Variants in PTCD2 observed in about 807,000 individuals in gnomAD.
PTCD2 encodes pentatricopeptide repeat-containing protein 2, mitochondrial.
PTCD2 carries 31 observed loss-of-function variants against 42.6 expected under a neutral mutation model. That is an observed-to-expected ratio of 0.73 (90% CI 0.55 to 0.98). PTCD2 has a LOEUF of 0.98. Among genes scored for constraint, PTCD2 ranks in the 50% least tolerant of loss-of-function variants. The pLI is 0.00. For synonymous variants in PTCD2, 183 were observed against 170.9 expected (o/e 1.07, Z -0.55); for missense variants, 476 against 454.8 (o/e 1.05, Z -0.42).
intron 8 of PTCD2, among the ~76,000 whole-genome samples, chr5:72,346,716 C>G (rs1752377264): frequency 1.3e-5 from 2 of 152,194 alleles, no homozygotes; most frequent in African/African-American, 4.8e-5. Context: ...TGGATATGGA[C>G]AGCTCTGGTA....
At chr5:72,348,924 G>A (rs568862368) in intron 8 of PTCD2, among the ~76,000 whole-genome samples, 2 of 152,322 alleles carry the variant, frequency 1.3e-5, no homozygotes, top group African/African-American at 4.8e-5. Flanking sequence ...GGGAAGTCTA[G>A]GATGCACAGG....
chr5:72,349,837 G>T (rs763235350), intron 8 of PTCD2, among the ~76,000 whole-genome samples: 8 of 152,152 alleles, frequency 5.3e-5, no homozygotes, highest in Non-Finnish European at 1.2e-4. Context: ...ATCGGTGACT[G>T]CCTTATGTGC....
rs889267662 is a variant in PTCD2 at position 72,328,758 on chromosome 5, G to A, written c.350+2017G>A. On this transcript the variant is annotated intron_variant, in intron 3 of 9. Coordinates refer to ENST00000380639, the MANE Select transcript of PTCD2 (RefSeq NM_024754.5). ...TATCCTTAGGAATCATAGTTTAATG[G>A]CAATACAGTATTTATTATATGTTAG... Among the ~76,000 whole-genome samples, 6 of 151,814 alleles carry A rather than the reference G, an allele frequency of 4.0e-5. No homozygotes were observed. In the South Asian group the frequency reaches 6.3e-4, roughly 16 times the overall value.
At chr5:72,323,148 T>C (rs539593216) in intron 2 of PTCD2, among the ~76,000 whole-genome samples, 3 of 151,970 alleles carry the variant, frequency 2.0e-5, no homozygotes, top group South Asian at 4.2e-4. Context: ...AGACCCTGTC[T>C]CAAAAAAAAG....
At chr5:72,331,453 A>G (rs898638438) in intron 4 of PTCD2, 78 bp downstream of exon 4, 3 of 1,014,084 alleles carry the variant, frequency 3.0e-6, no homozygotes, top group Non-Finnish European at 4.7e-6. Flanking sequence ...TTCTATGTAC[A>G]TTATTCCTGG....
rs1193515248 is a variant in PTCD2, at chr5:72,363,475, G to GT, written c.*5050dup. 7.2e-5 allele frequency: 11 copies of GT among 152,294 alleles called. No individual in the cohort carries two copies. Among genetic ancestry groups the GT allele is most frequent in the African/African-American group, 2.7e-4 (11 of 41,476 alleles). 9.4% of individuals were successfully genotyped at this position (152,294 alleles called of 1,614,324 possible). On this transcript the variant is annotated 3_prime_UTR_variant, in exon 10 of 10. Coordinates refer to ENST00000380639, the MANE Select transcript of PTCD2 (RefSeq NM_024754.5). ...GTCTTGTGTGTCTATGTGGACAGGAGTTGTGGGCTTCAGATTCATCCTCTG... is the reference window on the plus strand; with the variant it reads ...GTCTTGTGTGTCTATGTGGACAGGAGTTTGTGGGCTTCAGATTCATCCTCTG...
At chr5:72,342,875 T>C (rs1752145160) in intron 7 of PTCD2, 87 bp from the exon 8 acceptor site, 3 of 677,392 alleles carry the variant, frequency 4.4e-6, no homozygotes, top group Admixed American at 2.9e-5. Flanking sequence ...GTCACCTTAA[T>C]AGGAATATAC....
At chr5:72,325,809 T>G (rs1171483873) in intron 2 of PTCD2, among the ~76,000 whole-genome samples, 1 of 152,206 alleles carries the variant, frequency 6.6e-6, no homozygotes, top group Non-Finnish European at 1.5e-5. Flanking sequence ...GGAAAGCAGA[T>G]GCTTGGTTGG....
In PTCD2 at chr5:72,360,184, G is replaced by T. The variant is rs1006028330; in HGVS notation, c.*1757G>T. ...CCCTCATAGAATCCTAATTGTTTCT[G>T]TATGTGTCTGGTGTTTTGCACATGC... On this transcript the variant is annotated 3_prime_UTR_variant, in exon 10 of 10. Transcript: ENST00000380639. The T allele has an allele frequency of 6.6e-5, 10 of 150,474 alleles. No homozygotes were observed. In the East Asian group the frequency reaches 1.9e-3, roughly 29 times the overall value. 9.3% of individuals were successfully genotyped at this position (150,474 alleles called of 1,614,324 possible).
chr5:72,365,531 A>C lies in PTCD2; in HGVS notation c.*7104A>C, dbSNP rs1753180986. 6.6e-6 allele frequency: 1 copy of C among 152,254 alleles called. No individual in the cohort carries two copies. The highest frequency in any genetic ancestry group is 2.4e-5 in the African/African-American group (1 of 41,462). The allele number at this position is 152,254 out of a possible 1,614,324, so 9.4% of individuals were successfully genotyped here. ...TTTTGAATCCGCAAGTGCAAGTCTC[A>C]TTCCTGGTAACTAATAGTAACAGAA... On this transcript the variant is annotated 3_prime_UTR_variant, in exon 10 of 10. Transcript: ENST00000380639.
intron 7 of PTCD2, 104 bp downstream of exon 7, chr5:72,338,839 A>T: frequency 1.6e-6 from 1 of 626,914 alleles, no homozygotes; most frequent in Non-Finnish European, 2.8e-6. Flanking sequence ...ATCGTAAAGA[A>T]GTAGTCACCA....
Position 72,331,256 on chromosome 5 carries a change from A to G in PTCD2, c.351-2A>G, listed in dbSNP as rs750019059. ...GGCTCATTGAATCATTTTCATTACC[A>G]GGTACCATGCAGAGAACAAAAATTT... On this transcript the variant is annotated splice_acceptor_variant, in intron 3 of 9. Coordinates refer to ENST00000380639, the MANE Select transcript of PTCD2 (RefSeq NM_024754.5). LOFTEE classifies it high-confidence loss of function. 2 of 1,588,230 alleles carry G rather than the reference A, an allele frequency of 1.3e-6. No individual in the cohort carries two copies. Among genetic ancestry groups the G allele is most frequent in the Admixed American group, 3.3e-5 (2 of 59,980 alleles).
At chr5:72,326,589 C>A in intron 2 of PTCD2, 23 bp from the exon 3 acceptor site, 1 of 1,613,392 alleles carries the variant, frequency 6.2e-7, no homozygotes. Flanking sequence ...GAGTGATGGT[C>A]ACCATACTGT....
chr5:72,334,463 C>T (rs953898595), intron 4 of PTCD2, among the ~76,000 whole-genome samples: 3 of 152,216 alleles, frequency 2.0e-5, no homozygotes, highest in African/African-American at 7.2e-5. Context: ...TTAAAGACGT[C>T]CTTCATGGTA....
At chr5:72,334,046 T>G (rs1176539106) in intron 4 of PTCD2, among the ~76,000 whole-genome samples, 4 of 152,118 alleles carry the variant, frequency 2.6e-5, no homozygotes, top group African/African-American at 9.7e-5. Flanking sequence ...TTTATTATTT[T>G]TTTTAAGAGA....
chr5:72,352,320 G>A (rs1262389968), intron 8 of PTCD2, among the ~76,000 whole-genome samples: 1 of 152,052 alleles, frequency 6.6e-6, no homozygotes, highest in Non-Finnish European at 1.5e-5. Context: ...GCTAATTTTT[G>A]TATTTTTAGT....
intron 4 of PTCD2, among the ~76,000 whole-genome samples, chr5:72,333,862 G>GT (rs1279639864): frequency 3.3e-5 from 5 of 151,660 alleles, no homozygotes; most frequent in African/African-American, 9.7e-5. Context: ...GTTTTTTGGG[G>GT]TTTTTTTTGG....
intron 6 of PTCD2, among the ~76,000 whole-genome samples, chr5:72,336,561 T>C (rs1751751873): frequency 1.3e-5 from 2 of 152,032 alleles, no homozygotes; most frequent in African/African-American, 4.8e-5. Flanking sequence ...ATACAAAAAA[T>C]TAGCCAGGCG....
rs1159986323 is a variant in PTCD2, at chr5:72,362,615, T to C, written c.*4188T>C. 2 of 152,230 alleles carry C rather than the reference T, an allele frequency of 1.3e-5. No homozygotes were observed. The allele number at this position is 152,230 out of a possible 1,614,324, so 9.4% of individuals were successfully genotyped here. A position where few individuals can be genotyped will look rare whatever the true frequency, so the allele number is the denominator to read the frequency against. On this transcript the variant is annotated 3_prime_UTR_variant, in exon 10 of 10. Coordinates refer to ENST00000380639, the MANE Select transcript of PTCD2 (RefSeq NM_024754.5). Reference sequence around the variant, plus strand: ...TCCCCACTCTTTCTCTATTCTGTTCTGCCTATTATTCAAGGTCTAACTTGT... The same window carrying C: ...TCCCCACTCTTTCTCTATTCTGTTCCGCCTATTATTCAAGGTCTAACTTGT...
Sources: allele counts gnomAD v4.1 joint callset (sites outside exome capture counted in the v4.1 genomes callset), GRCh38; gene constraint gnomAD v4.1.1; transcripts MANE v1.5; gene names NCBI Gene and HGNC (gene_info 2026-07-23, HGNC 2026-07-21).